Variants in KCTD17 observed in about 807,000 individuals in gnomAD.
The protein encoded by KCTD17 is BTB/POZ domain-containing protein KCTD17.
Under a neutral mutation model 41.5 loss-of-function variants are expected in KCTD17, and 20 were observed. The ratio of observed to expected loss-of-function variants is 0.48; its 90% CI spans 0.34 to 0.70. The LOEUF (loss-of-function observed/expected upper bound fraction) is 0.70. Ranked by LOEUF, KCTD17 falls within the 30% of genes least tolerant of loss-of-function variation. KCTD17 has a pLI of 0.01. For missense variants in KCTD17, 317 were observed against 427.2 expected (o/e 0.74, Z 2.27); for synonymous variants, 156 against 173.8 (o/e 0.90, Z 0.80).
Position 37,060,846 on chromosome 22 carries a change from G to A in KCTD17, c.636G>A (p.Glu212=). 1 of 1,510,736 alleles carries A rather than the reference G, an allele frequency of 6.6e-7. No individual in the cohort carries two copies. The highest frequency in any genetic ancestry group is 1.3e-5 in the South Asian group (1 of 76,382). The allele number at this position is 1,510,736 out of a possible 1,614,324, so 93.6% of individuals were successfully genotyped here. A position where few individuals can be genotyped will look rare whatever the true frequency, so the allele number is the denominator to read the frequency against. The change falls in exon 6 of 9, where the codon GAG becomes GAA. Residue 212 remains glutamate (E), a synonymous_variant. Coordinates refer to ENST00000403888, the MANE Select transcript of KCTD17 (RefSeq NM_001282684.2). ...KTKSTEEQLE[E]QQQQEEEVEE... Reference sequence around the variant, plus strand: ...AGAGCACGGAGGAGCAGCTGGAGGAGCAGCAGCAGCAGGAGGAGGAGGTGG... The same window carrying A: ...AGAGCACGGAGGAGCAGCTGGAGGAACAGCAGCAGCAGGAGGAGGAGGTGG...
At chr22:37,052,999 G>T in intron 1 of KCTD17, 101 bp from the exon 2 acceptor site, 1 of 966,796 alleles carries the variant, frequency 1.0e-6, no homozygotes, top group Non-Finnish European at 1.6e-6. Flanking sequence ...TCCATCCAGG[G>T]AAGAGCTCTC....
intron 2 of KCTD17, 83 bp from the exon 3 acceptor site, chr22:37,056,234 AGGT>A (rs1925090862): frequency 2.7e-6 from 3 of 1,124,794 alleles, no homozygotes; most frequent in Admixed American, 4.2e-5. Flanking sequence ...TCAGAGCGAG[AGGT>A]GGGTTTCGGG....
rs1568980473 is a variant in KCTD17, at chr22:37,053,526, C to G, written c.298+318C>G. On this transcript the variant is annotated intron_variant, in intron 2 of 8. Transcript: ENST00000403888. This position sits in a 1 kb window ranked among gnomAD's most constrained non-coding sequence, Gnocchi z 4.1. ...CCTTTCTCTCTGGCCTCCTAGGAAG[C>G]CAGGTGTGGACGGTCACATCCGGAG... 6.6e-6 allele frequency among the ~76,000 whole-genome samples: 1 copy of G among 152,232 alleles called. No homozygotes were observed. The highest frequency in any genetic ancestry group is 1.5e-5 in the Non-Finnish European group (1 of 68,030).
chr22:37,062,679 G>T lies in KCTD17; in HGVS notation c.*85G>T, dbSNP rs974323996. ...TCCCCGGCCTCCTCTGTCTGCACCC[G>T]TGGGGCTGTGACTTACTCCTGCCTC... On this transcript the variant is annotated 3_prime_UTR_variant, in exon 9 of 9. Coordinates refer to ENST00000403888, the MANE Select transcript of KCTD17 (RefSeq NM_001282684.2). 3.9e-6 allele frequency: 6 copies of T among 1,549,258 alleles called. No individual in the cohort carries two copies. Among genetic ancestry groups the T allele is most frequent in the Non-Finnish European group, 5.2e-6 (6 of 1,146,344 alleles).
chr22:37,062,798 G>A lies in KCTD17; in HGVS notation c.*204G>A. ...GTGGACTGCTCATGGCAGATGTGTG[G>A]CAATGTCTGGCTGTGTCTCTCCGGC... On this transcript the variant is annotated 3_prime_UTR_variant, in exon 9 of 9. Coordinates refer to ENST00000403888, the MANE Select transcript of KCTD17 (RefSeq NM_001282684.2). The A allele has an allele frequency of 8.5e-7, 1 of 1,170,230 alleles. No individual in the cohort carries two copies. The highest frequency in any genetic ancestry group is 1.2e-6 in the Non-Finnish European group (1 of 863,984). The allele number at this position is 1,170,230 out of a possible 1,614,324, so 72.5% of individuals were successfully genotyped here.
In KCTD17 at chr22:37,062,832, C is replaced by T; in HGVS notation, c.*238C>T. 2 of 872,410 alleles carry T rather than the reference C, an allele frequency of 2.3e-6. No individual in the cohort carries two copies. The highest frequency in any genetic ancestry group is 3.3e-6 in the Non-Finnish European group (2 of 597,516). 54.0% of individuals were successfully genotyped at this position (872,410 alleles called of 1,614,324 possible). On this transcript the variant is annotated 3_prime_UTR_variant, in exon 9 of 9. Coordinates refer to ENST00000403888, the MANE Select transcript of KCTD17 (RefSeq NM_001282684.2). ...GGCTGTGTCTCTCCGGCACCTGCGT[C>T]CCCTCTCCCGGGCTCCCCTGCTGCA... is the stretch of plus-strand genomic sequence containing the variant.
chr22:37,052,115 T>G, intron 1 of KCTD17, 166 bp downstream of exon 1: 2 of 849,266 alleles, frequency 2.4e-6, no homozygotes, highest in Non-Finnish European at 1.6e-6. Flanking sequence ...GAGGTGGGTC[T>G]GGTAGTGAGG....
chr22:37,051,789 C>T lies in KCTD17; in HGVS notation c.29C>T (p.Pro10Leu). The part of the protein sequence containing the change: MRMEAGEAA[P>L]PAGAGGRAAG... The stretch of plus-strand genomic sequence containing the variant: ...AGGATGGAGGCCGGGGAGGCAGCGC[C>T]GCCGGCGGGGGCGGGCGGCCGCGCC... Residue 10 changes from proline to leucine, a missense_variant, in exon 1 of 9, where the codon CCG becomes CTG. Coordinates refer to ENST00000403888, the MANE Select transcript of KCTD17 (RefSeq NM_001282684.2). The T allele has an allele frequency of 1.6e-6, 2 of 1,255,040 alleles. No individual in the cohort carries two copies. The highest frequency in any genetic ancestry group is 3.0e-4 in the Middle Eastern group (1 of 3,306). 77.7% of individuals were successfully genotyped at this position (1,255,040 alleles called of 1,614,324 possible).
chr22:37,055,904 T>C (rs893469032), intron 2 of KCTD17, among the ~76,000 whole-genome samples: 3 of 152,182 alleles, frequency 2.0e-5, no homozygotes, highest in East Asian at 1.9e-4. Context: ...CTTCTAGTTC[T>C]GAGAATTCAA....
At position 37,056,354 on chromosome 22, in the gene KCTD17, C is replaced by G; in HGVS notation, c.333C>G (p.Gly111=). 1 of 1,613,648 alleles carries G rather than the reference C, an allele frequency of 6.2e-7. No individual in the cohort carries two copies. Among genetic ancestry groups the G allele is most frequent in the Middle Eastern group, 1.7e-4 (1 of 6,060 alleles). ...VLEEAEFYNI[G]PLIRIIKDRM... ...AGGAAGCCGAGTTCTACAACATCGG[C>G]CCGCTGATCCGCATCATCAAAGACC... is the stretch of plus-strand genomic sequence containing the variant. The change falls in exon 3 of 9, where the codon GGC becomes GGG. Residue 111 remains glycine, a synonymous_variant. Coordinates refer to ENST00000403888, the MANE Select transcript of KCTD17 (RefSeq NM_001282684.2).
At chr22:37,058,243 T>A (rs1371942110) in intron 4 of KCTD17, among the ~76,000 whole-genome samples, 2 of 151,944 alleles carry the variant, frequency 1.3e-5, no homozygotes, top group Non-Finnish European at 2.9e-5. Context: ...AGGCAGAAGG[T>A]CGGAGCCCCC....
At chr22:37,056,093 C>G (rs1027544813) in intron 2 of KCTD17, among the ~76,000 whole-genome samples, 27 of 152,166 alleles carry the variant, frequency 1.8e-4, no homozygotes, top group African/African-American at 6.5e-4. Flanking sequence ...GGTCACCGCA[C>G]TCAGCACAGC....
chr22:37,052,623 C>G (rs1367063826), intron 1 of KCTD17: 1 of 471,012 alleles, frequency 2.1e-6, no homozygotes, highest in Non-Finnish European at 4.4e-6. Context: ...TCAATGTCTC[C>G]GATCTCTCTG....
At chr22:37,059,534 C>A in intron 5 of KCTD17, 96 bp downstream of exon 5, 1 of 1,407,248 alleles carries the variant, frequency 7.1e-7, no homozygotes, top group African/African-American at 1.4e-5. Context: ...CATCCCTCCA[C>A]CTCTCTCCCG....
chr22:37,060,936 C>T lies in KCTD17; in HGVS notation c.712+14C>T. 1 of 1,537,454 alleles carries T rather than the reference C, an allele frequency of 6.5e-7. No individual in the cohort carries two copies. The highest frequency in any genetic ancestry group is 1.2e-5 in the South Asian group (1 of 81,430). On this transcript the variant is annotated intron_variant, in intron 6 of 8. Coordinates refer to ENST00000403888, the MANE Select transcript of KCTD17 (RefSeq NM_001282684.2). ...CACAGGAGAAAGGTGCAGCCAACCCCCAGGAGGATGATTGCTAAGCAAAGC... is the reference window on the plus strand; with the variant it reads ...CACAGGAGAAAGGTGCAGCCAACCCTCAGGAGGATGATTGCTAAGCAAAGC...
At chr22:37,060,256 T>C (rs1193986818) in intron 5 of KCTD17, among the ~76,000 whole-genome samples, 1 of 152,188 alleles carries the variant, frequency 6.6e-6, no homozygotes, top group East Asian at 1.9e-4. Flanking sequence ...TTCCTGTCTA[T>C]CTGTCTGCCT....
chr22:37,051,792 CGGCGGGGGCGGGCGGCCGCGCCGCA>C lies in KCTD17; in HGVS notation c.38_62del (p.Gly13AlafsTer16), dbSNP rs1268686731. On this transcript the variant is annotated frameshift_variant, in exon 1 of 9. Coordinates refer to ENST00000403888, the MANE Select transcript of KCTD17 (RefSeq NM_001282684.2). LOFTEE classifies it high-confidence loss of function. ...ATGGAGGCCGGGGAGGCAGCGCCGC[CGGCGGGGGCGGGCGGCCGCGCCGCA>C]GGCGGCTGGGGCAAGTGGGTGCGGC... The C allele has an allele frequency of 1.6e-6, 2 of 1,257,610 alleles. No homozygotes were observed. The highest frequency in any genetic ancestry group is 3.0e-5 in the South Asian group (1 of 33,506). 77.9% of individuals were successfully genotyped at this position (1,257,610 alleles called of 1,614,324 possible).
intron 8 of KCTD17, chr22:37,062,193 G>A (rs939055043): frequency 1.0e-6 from 1 of 985,310 alleles, no homozygotes; most frequent in Non-Finnish European, 1.2e-6. Flanking sequence ...TCCCAGCCCT[G>A]AGCAACCCCC....
In KCTD17 at chr22:37,051,943, G is replaced by A. The variant is rs1199614577; in HGVS notation, c.183G>A (p.Ser61=). The change falls in exon 1 of 9, where the codon TCG becomes TCA. Residue 61 remains serine (S), a synonymous_variant. Transcript: ENST00000403888. The part of the protein sequence containing the change: ...SRLCQGEELQ[S]DRDETGAYLI... ...TGTGCCAGGGGGAAGAGCTGCAGTCGGACCGGGTGAGGCCCCCGGGGTGGG... is the reference window on the plus strand; with the variant it reads ...TGTGCCAGGGGGAAGAGCTGCAGTCAGACCGGGTGAGGCCCCCGGGGTGGG... The A allele has an allele frequency of 3.4e-6, 5 of 1,485,276 alleles. No homozygotes were observed. Among genetic ancestry groups the A allele is most frequent in the South Asian group, 1.3e-5 (1 of 77,360 alleles). 92.0% of individuals were successfully genotyped at this position (1,485,276 alleles called of 1,614,324 possible).
Sources: allele counts gnomAD v4.1 joint callset (sites outside exome capture counted in the v4.1 genomes callset), GRCh38; gene constraint gnomAD v4.1.1; non-coding constraint Gnocchi (gnomAD v3.1); transcripts MANE v1.5; gene names NCBI Gene and HGNC (gene_info 2026-07-23, HGNC 2026-07-21).